TRAPPC6A: variants seen among roughly 807,000 people sequenced by gnomAD.
TRAPPC6A encodes TRAPP complex subunit 6A.
In TRAPPC6A, 25 loss-of-function variants were observed where a neutral mutation model predicts 20.8. The observed-to-expected ratio is 1.20, with a 90% CI of 0.88 to 1.68. The LOEUF is 1.68. TRAPPC6A is among the 40% of genes most tolerant of loss of function. The pLI is 0.00. For synonymous variants in TRAPPC6A, 96 were observed against 93.3 expected, an observed-to-expected ratio of 1.03 and a Z score of -0.16; for missense variants, 215 against 211.6, an observed-to-expected ratio of 1.02 and a Z score of -0.10.
rs994000141 is a variant in TRAPPC6A, at chr19:45,173,087, C to T, written c.84+5048G>A. The stretch of plus-strand genomic sequence containing the variant: ...CAGCAGGGCTATTCTCGGGGCGCCT[C>T]GGGCCTGGTCTCAGACAATGGGTGA... On this transcript the variant is annotated intron_variant, in intron 1 of 5. Transcript: ENST00000585934. The surrounding 1 kb of genome is among the most constrained non-coding windows in gnomAD (Gnocchi z 4.8). Among the ~76,000 whole-genome samples, 90 of 151,432 alleles carry T rather than the reference C, an allele frequency of 5.9e-4. 6 individuals are homozygous for T. Among genetic ancestry groups the T allele is most frequent in the African/African-American group, 1.9e-3 (79 of 40,758 alleles).
At chr19:45,166,103 G>A (rs1021041932) in intron 1 of TRAPPC6A, among the ~76,000 whole-genome samples, 1 of 151,802 alleles carries the variant, frequency 6.6e-6, no homozygotes, top group Admixed American at 6.6e-5. Flanking sequence ...TTAGAGACAG[G>A]GTTTCACTGT....
chr19:45,174,963 A>C (rs529874434), intron 1 of TRAPPC6A, among the ~76,000 whole-genome samples: 6 of 135,556 alleles, frequency 4.4e-5, no homozygotes, highest in South Asian at 4.8e-4. Context: ...TACTAAAAAT[A>C]CAAAAAAAAA....
At position 45,178,128 on chromosome 19, in the gene TRAPPC6A, C is replaced by A. The variant is rs1292423652; in HGVS notation, c.84+7G>T. Reference sequence around the variant, plus strand: ...CCCGCTTCCTCCCCACGGAGCCCGGCGCTCACCCCCGGGCCGGGGTCGGGG... The same window carrying A: ...CCCGCTTCCTCCCCACGGAGCCCGGAGCTCACCCCCGGGCCGGGGTCGGGG... On this transcript the variant is annotated splice_region_variant and intron_variant, in intron 1 of 5. Transcript: ENST00000585934. The A allele has an allele frequency of 1.9e-6, 3 of 1,613,174 alleles. No individual in the cohort carries two copies. In the Admixed American group the frequency reaches 5.0e-5, roughly 27 times the overall value.
At position 45,169,268 on chromosome 19, in the gene TRAPPC6A, T is replaced by G. The variant is rs181824744; in HGVS notation, c.85-4074A>C. On this transcript the variant is annotated intron_variant, in intron 1 of 5. Transcript: ENST00000585934. Reference sequence around the variant, plus strand: ...ACCTGGGCCAATGGCTGAATACCTGTGCCTCAGTTTCCTCATGTAAAAAAG... The same window carrying G: ...ACCTGGGCCAATGGCTGAATACCTGGGCCTCAGTTTCCTCATGTAAAAAAG... Among the ~76,000 whole-genome samples, 358 of 152,370 alleles carry G rather than the reference T, an allele frequency of 2.3e-3. 2 individuals carry two copies. Among genetic ancestry groups the G allele is most frequent in the African/African-American group, 8.3e-3 (346 of 41,576 alleles).
At chr19:45,167,505 G>A (rs1198190661) in intron 1 of TRAPPC6A, among the ~76,000 whole-genome samples, 2 of 152,154 alleles carry the variant, frequency 1.3e-5, no homozygotes, top group Admixed American at 6.5e-5. Flanking sequence ...TTGGGAGGTC[G>A]GAGTTTCGCT....
chr19:45,163,071 A>G lies in TRAPPC6A; in HGVS notation c.*121T>C. The G allele has an allele frequency of 8.4e-7, 1 of 1,189,046 alleles. No homozygotes were observed. Among genetic ancestry groups the G allele is most frequent in the Non-Finnish European group, 1.2e-6 (1 of 833,922 alleles). 73.7% of individuals were successfully genotyped at this position (1,189,046 alleles called of 1,614,324 possible). A position where few individuals can be genotyped will look rare whatever the true frequency, so the allele number is the denominator to read the frequency against. On this transcript the variant is annotated 3_prime_UTR_variant, in exon 6 of 6. Coordinates refer to ENST00000585934, the MANE Select transcript of TRAPPC6A (RefSeq NM_001270891.2). The surrounding 1 kb of genome is among the most constrained non-coding windows in gnomAD (Gnocchi z 5.3). Reference sequence around the variant, plus strand: ...ACCTCAATTTGATACCCACTTCCTGAGCAAATGTGACCCCTAGGGCCTGGG... The same window carrying G: ...ACCTCAATTTGATACCCACTTCCTGGGCAAATGTGACCCCTAGGGCCTGGG...
At chr19:45,164,072 AC>A (rs1969081714) in intron 4 of TRAPPC6A, 63 bp from the exon 5 acceptor site, 1 of 1,546,394 alleles carries the variant, frequency 6.5e-7, no homozygotes, top group South Asian at 1.2e-5. Context: ...GGTCTGGGGC[AC>A]CCCTTAGGCC....
chr19:45,165,240 A>C (rs1428922334), intron 1 of TRAPPC6A, 46 bp from the exon 2 acceptor site: 4 of 1,549,826 alleles, frequency 2.6e-6, no homozygotes, highest in Middle Eastern at 1.7e-4. Context: ...AGCCACCACG[A>C]ACCCGGGGCC....
intron 1 of TRAPPC6A, among the ~76,000 whole-genome samples, chr19:45,167,849 G>A (rs1969188802): frequency 6.6e-6 from 1 of 152,026 alleles, no homozygotes; most frequent in African/African-American, 2.4e-5. Flanking sequence ...AAATACAAAA[G>A]TTAGCCAGGT....
intron 1 of TRAPPC6A, among the ~76,000 whole-genome samples, chr19:45,171,475 G>A (rs1314346239): frequency 5.3e-5 from 8 of 152,170 alleles, no homozygotes; most frequent in Non-Finnish European, 8.8e-5. Flanking sequence ...AAGGTGGAAG[G>A]GAAGTCTTAT....
In TRAPPC6A at chr19:45,163,348, TC is replaced by T; in HGVS notation, c.449-126del. The T allele has an allele frequency of 1.9e-6, 2 of 1,051,190 alleles. No individual in the cohort carries two copies. The highest frequency in any genetic ancestry group is 2.8e-5 in the South Asian group (2 of 70,602). 65.1% of individuals were successfully genotyped at this position (1,051,190 alleles called of 1,614,324 possible). A position where few individuals can be genotyped will look rare whatever the true frequency, so the allele number is the denominator to read the frequency against. On this transcript the variant is annotated intron_variant, in intron 5 of 5. Coordinates refer to ENST00000585934, the MANE Select transcript of TRAPPC6A (RefSeq NM_001270891.2). The surrounding 1 kb of genome is among the most constrained non-coding windows in gnomAD (Gnocchi z 5.3). ...CCAGTGGCTAGGTTGGGCTGTTTCC[TC>T]CCGCCCACGGGGCCGCATCCCTGAG... is the stretch of plus-strand genomic sequence containing the variant.
rs767296634 is a variant in TRAPPC6A at position 45,163,904 on chromosome 19, C to A, written c.448+12G>T. ...AGGGATGAGAAGAATCCCCCCACCCCCCATGACTCACAGACGGGCAGGGCT... is the reference window on the plus strand; with the variant it reads ...AGGGATGAGAAGAATCCCCCCACCCACCATGACTCACAGACGGGCAGGGCT... On this transcript the variant is annotated intron_variant, in intron 5 of 5. Transcript: ENST00000585934. This position sits in a 1 kb window ranked among gnomAD's most constrained non-coding sequence, Gnocchi z 5.3. The A allele has an allele frequency of 1.3e-6, 2 of 1,565,186 alleles. No homozygotes were observed. Among genetic ancestry groups the A allele is most frequent in the East Asian group, 2.3e-5 (1 of 43,018 alleles).
At chr19:45,176,869 TAA>T (rs563420112) in intron 1 of TRAPPC6A, among the ~76,000 whole-genome samples, 6 of 125,462 alleles carry the variant, frequency 4.8e-5, no homozygotes, top group East Asian at 2.4e-4. Context: ...CCGTATCTAC[TAA>T]AAAAAAAAAA....
intron 1 of TRAPPC6A, among the ~76,000 whole-genome samples, chr19:45,174,447 C>T (rs1969323811): frequency 6.6e-6 from 1 of 152,178 alleles, no homozygotes; most frequent in Non-Finnish European, 1.5e-5. Flanking sequence ...GTCATCAATA[C>T]ACACCCAGGC....
chr19:45,171,044 G>A (rs752902187), intron 1 of TRAPPC6A, among the ~76,000 whole-genome samples: 30 of 152,210 alleles, frequency 2.0e-4, no homozygotes, highest in Non-Finnish European at 3.4e-4. Flanking sequence ...GCTCTTGCCT[G>A]TAATCCCAGC....
chr19:45,174,476 A>G (rs1969324320), intron 1 of TRAPPC6A, among the ~76,000 whole-genome samples: 1 of 151,920 alleles, frequency 6.6e-6, no homozygotes, highest in African/African-American at 2.4e-5. Context: ...CACAAAGTAC[A>G]CTCCGGCTGG....
chr19:45,163,688 G>A lies in TRAPPC6A; in HGVS notation c.448+228C>T, dbSNP rs991361502. Among the ~76,000 whole-genome samples, 4 of 152,154 alleles carry A rather than the reference G, an allele frequency of 2.6e-5. No individual in the cohort carries two copies. Among genetic ancestry groups the A allele is most frequent in the Admixed American group, 6.5e-5 (1 of 15,288 alleles). The stretch of plus-strand genomic sequence containing the variant: ...GGATAACTTCTATTGCGTCCACCTC[G>A]GCTCCCATGCTGGGAAACGATGTTC... On this transcript the variant is annotated intron_variant, in intron 5 of 5. Transcript: ENST00000585934. This position sits in a 1 kb window ranked among gnomAD's most constrained non-coding sequence, Gnocchi z 5.3.
At chr19:45,164,644 G>T in intron 3 of TRAPPC6A, 1 of 604,296 alleles carries the variant, frequency 1.7e-6, no homozygotes, top group Non-Finnish European at 2.9e-6. Flanking sequence ...CTCCTGGTAG[G>T]CTGGAGAAGT....
intron 1 of TRAPPC6A, among the ~76,000 whole-genome samples, chr19:45,175,454 C>T (rs1302916516): frequency 6.6e-6 from 1 of 151,922 alleles, no homozygotes; most frequent in Non-Finnish European, 1.5e-5. Flanking sequence ...CAAATACATC[C>T]TTATTGAGTA....
Sources: allele counts gnomAD v4.1 joint callset (sites outside exome capture counted in the v4.1 genomes callset), GRCh38; gene constraint gnomAD v4.1.1; non-coding constraint Gnocchi (gnomAD v3.1); transcripts MANE v1.5; gene names NCBI Gene and HGNC (gene_info 2026-07-23, HGNC 2026-07-21).